Variants in CDK7 observed in about 807,000 individuals in gnomAD.
CDK7 encodes cyclin-dependent kinase 7.
In CDK7, 25 loss-of-function variants were observed where a neutral mutation model predicts 49.1. That is an observed-to-expected ratio of 0.51 (90% CI 0.37 to 0.71). The LOEUF (loss-of-function observed/expected upper bound fraction) is 0.71. Ranked by LOEUF, CDK7 falls within the 30% of genes least tolerant of loss-of-function variation. The pLI, the probability that CDK7 is intolerant of heterozygous loss-of-function variation, is 0.00. For synonymous variants in CDK7, 107 were observed against 140.0 expected (o/e 0.76, Z 1.67); for missense variants, 316 against 411.7 (o/e 0.77, Z 2.01).
chr5:69,251,613 C>G (rs578015209), intron 2 of CDK7, among the ~76,000 whole-genome samples: 1 of 152,248 alleles, frequency 6.6e-6, no homozygotes, highest in South Asian at 2.1e-4. Flanking sequence ...GATCATGGCT[C>G]ACTGTAGCCT....
intron 9 of CDK7, among the ~76,000 whole-genome samples, chr5:69,271,552 C>T (rs1202544798): frequency 6.7e-6 from 1 of 149,268 alleles, no homozygotes; most frequent in Non-Finnish European, 1.5e-5. Context: ...TGGCTTGTTG[C>T]CCAGGCTGCA....
At chr5:69,245,024 G>A (rs1195037701) in intron 2 of CDK7, among the ~76,000 whole-genome samples, 1 of 152,092 alleles carries the variant, frequency 6.6e-6, no homozygotes, top group East Asian at 1.9e-4. Flanking sequence ...TGCATCCCCA[G>A]GATAAATCCC....
intron 1 of CDK7, 106 bp downstream of exon 1, chr5:69,235,147 G>T: frequency 8.9e-7 from 1 of 1,119,652 alleles, no homozygotes; most frequent in Non-Finnish European, 1.3e-6. Context: ...TTGGCTGCTC[G>T]TTCTCGTTGG....
At chr5:69,248,802 CTTTTTTTTTT>C (rs70992911) in intron 2 of CDK7, among the ~76,000 whole-genome samples, 2 of 92,276 alleles carry the variant, frequency 2.2e-5, no homozygotes, top group Non-Finnish European at 4.0e-5. Context: ...TTTTTTTTTT[CTTTTTTTTTT>C]TTTTTTTGGA....
At position 69,259,954 on chromosome 5, in the gene CDK7, C is replaced by T. The variant is rs200813690; in HGVS notation, c.527+18C>T. The T allele has an allele frequency of 3.5e-6, 5 of 1,434,780 alleles. No individual in the cohort carries two copies. The East Asian group carries it at 1.1e-4, about 33-fold the overall frequency. The allele number at this position is 1,434,780 out of a possible 1,614,324, so 88.9% of individuals were successfully genotyped here. ...GTAACCAGGTAAGAATCTCTTAAAGCTACATGTGCAGGAGTTTGATCAGAA... is the reference window on the plus strand; with the variant it reads ...GTAACCAGGTAAGAATCTCTTAAAGTTACATGTGCAGGAGTTTGATCAGAA... On this transcript the variant is annotated intron_variant, in intron 7 of 11. Transcript: ENST00000256443.
chr5:69,239,103 G>C (rs1201659296), intron 2 of CDK7, among the ~76,000 whole-genome samples: 1 of 151,950 alleles, frequency 6.6e-6, no homozygotes, highest in African/African-American at 2.4e-5. Context: ...TTTCTCTAGA[G>C]AATGTATCTA....
chr5:69,262,455 G>T (rs34449359), intron 8 of CDK7, 151 bp downstream of exon 8: 2 of 906,576 alleles, frequency 2.2e-6, no homozygotes, highest in East Asian at 2.7e-5. Context: ...GATCACTTGA[G>T]GTCAGGAGTT....
chr5:69,258,433 G>A (rs1176822951), intron 6 of CDK7, among the ~76,000 whole-genome samples: 1 of 143,780 alleles, frequency 7.0e-6, no homozygotes, highest in Non-Finnish European at 1.5e-5. Flanking sequence ...AGGCTGGAGT[G>A]CAGTGGCGCG....
intron 9 of CDK7, among the ~76,000 whole-genome samples, chr5:69,272,071 G>A (rs868655615): frequency 6.6e-5 from 10 of 152,072 alleles, no homozygotes; most frequent in African/African-American, 2.2e-4. Flanking sequence ...GATTACAAGC[G>A]TGAGCTGCCA....
chr5:69,255,586 A>T, intron 5 of CDK7, 58 bp downstream of exon 5: 1 of 1,223,428 alleles, frequency 8.2e-7, no homozygotes, highest in Non-Finnish European at 1.2e-6. Flanking sequence ...CAAGAACCTA[A>T]ATATTTGTTT....
chr5:69,250,983 G>A (rs968960934), intron 2 of CDK7, among the ~76,000 whole-genome samples: 1 of 152,082 alleles, frequency 6.6e-6, no homozygotes, highest in Non-Finnish European at 1.5e-5. Context: ...AGGCTGGAAT[G>A]CAGTGGTGCA....
At chr5:69,258,455 A>G (rs1357897331) in intron 6 of CDK7, among the ~76,000 whole-genome samples, 3 of 141,132 alleles carry the variant, frequency 2.1e-5, no homozygotes, top group Non-Finnish European at 1.5e-5. Context: ...TCTCTTGCTC[A>G]CTGCAAGCTC....
At chr5:69,265,272 A>T (rs973454608) in intron 8 of CDK7, among the ~76,000 whole-genome samples, 5 of 145,770 alleles carry the variant, frequency 3.4e-5, no homozygotes. Flanking sequence ...CTCAAAAAAT[A>T]AAAAAAAAAA....
chr5:69,254,399 G>A (rs1179710940), intron 3 of CDK7, among the ~76,000 whole-genome samples: 1 of 151,552 alleles, frequency 6.6e-6, no homozygotes, highest in Non-Finnish European at 1.5e-5. Flanking sequence ...GCGCGTGCCT[G>A]TAATCCCTGC....
chr5:69,251,325 C>T (rs1305286261), intron 2 of CDK7, among the ~76,000 whole-genome samples: 2 of 152,070 alleles, frequency 1.3e-5, no homozygotes, highest in African/African-American at 4.8e-5. Flanking sequence ...GTCTTGAACT[C>T]CTGACCTCGT....
At chr5:69,246,424 C>T (rs541804409) in intron 2 of CDK7, among the ~76,000 whole-genome samples, 48 of 152,106 alleles carry the variant, frequency 3.2e-4, no homozygotes, top group East Asian at 1.5e-3. Flanking sequence ...TGTGAGCCAC[C>T]GCACCCGGCC....
intron 2 of CDK7, among the ~76,000 whole-genome samples, chr5:69,248,169 CTT>C (rs1475764374): frequency 6.6e-6 from 1 of 152,092 alleles, no homozygotes; most frequent in African/African-American, 2.4e-5. Context: ...CTGGGAAAGT[CTT>C]TATTTCTCCT....
intron 10 of CDK7, among the ~76,000 whole-genome samples, chr5:69,274,603 T>G (rs1426487610): frequency 6.6e-6 from 1 of 152,172 alleles, no homozygotes; most frequent in Non-Finnish European, 1.5e-5. Context: ...TAAAGGATTA[T>G]CCTAAAGGAA....
At chr5:69,252,340 G>A in intron 2 of CDK7, 78 bp from the exon 3 acceptor site, 2 of 859,556 alleles carry the variant, frequency 2.3e-6, no homozygotes, top group South Asian at 3.0e-5. Flanking sequence ...AGTATTTGAA[G>A]TATTTACACA....
Sources: gnomAD v4.1 joint callset for allele counts (sites outside exome capture counted in the v4.1 genomes callset) on GRCh38, gnomAD v4.1.1 for gene constraint, MANE v1.5 for transcripts, NCBI Gene and HGNC (gene_info 2026-07-23, HGNC 2026-07-21) for gene names.